The following ADAM23 variants were observed in gnomAD, a reference collection of about 807,000 sequenced individuals.
The protein encoded by ADAM23 is ADAM metallopeptidase domain 23.
A neutral mutation model predicts 120.1 loss-of-function variants in ADAM23; 33 were observed. The observed-to-expected ratio is 0.27, with a 90% CI of 0.21 to 0.37. ADAM23 has a LOEUF of 0.37. Among genes scored for constraint, ADAM23 ranks in the 10% least tolerant of loss-of-function variants. The pLI, the probability that ADAM23 is intolerant of heterozygous loss-of-function variation, is 1.00. For synonymous variants in ADAM23, 367 were observed against 375.2 expected (o/e 0.98, Z 0.25); for missense variants, 862 against 1,058.2 (o/e 0.81, Z 2.57).
chr2:206,482,828 G>A (rs555610574), intron 3 of ADAM23, among the ~76,000 whole-genome samples: 25 of 152,266 alleles, frequency 1.6e-4, no homozygotes, highest in Admixed American at 2.6e-4. Context: ...GTGAAAAGGC[G>A]TCTTGGGAAA....
At chr2:206,572,367 C>G (rs1266409227) in intron 17 of ADAM23, among the ~76,000 whole-genome samples, 3 of 152,118 alleles carry the variant, frequency 2.0e-5, no homozygotes, top group Non-Finnish European at 4.4e-5. Context: ...CAGAGACCAC[C>G]AGTTATTTTT....
chr2:206,530,621 G>GA (rs5838028), intron 3 of ADAM23, among the ~76,000 whole-genome samples: 59 of 98,550 alleles, frequency 6.0e-4, no homozygotes, highest in South Asian at 2.5e-3. Context: ...GTCTCAAAAA[G>GA]AAAAAAAAAA....
At chr2:206,504,192 A>G (rs1380287917) in intron 3 of ADAM23, among the ~76,000 whole-genome samples, 1 of 152,148 alleles carries the variant, frequency 6.6e-6, no homozygotes, top group African/African-American at 2.4e-5. Context: ...CCTCTATAAT[A>G]TGTTAAATAC....
At chr2:206,506,024 G>T (rs1480983827) in intron 3 of ADAM23, among the ~76,000 whole-genome samples, 1 of 152,142 alleles carries the variant, frequency 6.6e-6, no homozygotes, top group African/African-American at 2.4e-5. Flanking sequence ...CCCTTTTTTA[G>T]TTGTGTGTTG....
Position 206,451,107 on chromosome 2 carries a change from G to A in ADAM23, c.432+5583G>A, listed in dbSNP as rs554926682. Among the ~76,000 whole-genome samples the A allele has an allele frequency of 9.8e-5, 15 of 152,328 alleles. No homozygotes were observed. In the East Asian group the frequency reaches 2.9e-3, roughly 29 times the overall value. ...TTGAGCTGGCCCTAAAGAGTAATTA[G>A]GAGTTAAGTTTGTGCAGAAGGTGGA... On this transcript the variant is annotated intron_variant, in intron 2 of 25. Transcript: ENST00000264377.
Position 206,592,623 on chromosome 2 carries a change from G to A in ADAM23, c.1965G>A (p.Val655=), listed in dbSNP as rs370425003. Residue 655 remains valine, a synonymous_variant, in exon 22 of 26, where the codon GTG becomes GTA. Coordinates refer to ENST00000264377, the MANE Select transcript of ADAM23 (RefSeq NM_003812.4). ...TTTCTTTACACATGTTCAGTGATGTGTTCTGTGGATTCTTACTCTGTACCA... is the reference window on the plus strand; with the variant it reads ...TTTCTTTACACATGTTCAGTGATGTATTCTGTGGATTCTTACTCTGTACCA... ...DRWIQCSKHD[V]FCGFLLCTNL... is the part of the protein sequence containing the mutation. 6 of 1,613,964 alleles carry A rather than the reference G, an allele frequency of 3.7e-6. No individual in the cohort carries two copies. The highest frequency in any genetic ancestry group is 2.2e-5 in the South Asian group (2 of 91,056).
chr2:206,494,322 A>G (rs1696192901), intron 3 of ADAM23, among the ~76,000 whole-genome samples: 2 of 152,200 alleles, frequency 1.3e-5, no homozygotes, highest in Non-Finnish European at 2.9e-5. Flanking sequence ...ATATTTATTC[A>G]TTAAGGACTG....
chr2:206,533,326 C>G (rs1165164651), intron 4 of ADAM23, among the ~76,000 whole-genome samples: 1 of 152,092 alleles, frequency 6.6e-6, no homozygotes, highest in Non-Finnish European at 1.5e-5. Context: ...CTCAGTCTCC[C>G]AAGTCGCTGG....
At chr2:206,569,765 C>G (rs1697959585) in intron 15 of ADAM23, among the ~76,000 whole-genome samples, 1 of 152,156 alleles carries the variant, frequency 6.6e-6, no homozygotes. Context: ...ACCCAAGTAG[C>G]CTGGAAACCT....
chr2:206,545,558 AACAG>A (rs1697380725), intron 6 of ADAM23, among the ~76,000 whole-genome samples: 1 of 152,190 alleles, frequency 6.6e-6, no homozygotes, highest in Non-Finnish European at 1.5e-5. Context: ...ATAAAAGCTG[AACAG>A]ACAAACTTTT....
chr2:206,444,128 G>A, intron 1 of ADAM23, 48 bp downstream of exon 1: 9 of 1,232,414 alleles, frequency 7.3e-6, no homozygotes, highest in Non-Finnish European at 9.1e-6. Flanking sequence ...GCGGGGCCCT[G>A]CAGAGGAAAG....
chr2:206,465,483 G>GTTATCT (rs1205332545), intron 2 of ADAM23, among the ~76,000 whole-genome samples: 1 of 152,146 alleles, frequency 6.6e-6, no homozygotes, highest in Non-Finnish European at 1.5e-5. Flanking sequence ...CAAGATAAAA[G>GTTATCT]TGTTAAATTT....
chr2:206,571,760 C>T lies in ADAM23; in HGVS notation c.1600C>T (p.Leu534Phe), dbSNP rs772050654. ...CYGLCCKKCS[L>F]SNGAHCSDGP... ...TGGATTATGCTGTAAGAAATGTTCC[C>T]TCTCCAACGGGGCTCACTGCAGCGA... Residue 534 changes from leucine (L) to phenylalanine (F), a missense_variant, in exon 17 of 26, where the codon CTC becomes TTC. Physicochemically the swap from Leu to Phe is conservative, Grantham distance 22 (BLOSUM62 0). Transcript: ENST00000264377. The T allele has an allele frequency of 6.2e-7, 1 of 1,614,130 alleles. No homozygotes were observed. The highest frequency in any genetic ancestry group is 8.5e-7 in the Non-Finnish European group (1 of 1,179,980).
intron 25 of ADAM23, among the ~76,000 whole-genome samples, chr2:206,610,650 C>G (rs1202425357): frequency 1.1e-4 from 17 of 152,116 alleles, no homozygotes; most frequent in Admixed American, 1.1e-3. Context: ...TCATAGTGAC[C>G]TTTTAGTTTG....
At position 206,525,132 on chromosome 2, in the gene ADAM23, A is replaced by G. The variant is rs1202156198; in HGVS notation, c.510-5753A>G. Among the ~76,000 whole-genome samples, 3 of 152,096 alleles carry G rather than the reference A, an allele frequency of 2.0e-5. No individual in the cohort carries two copies. In the East Asian group the frequency reaches 5.8e-4, roughly 29 times the overall value. ...CATTTCCACAAATGCCCTAGTTTGGATGATAAATTATATGGCCATCCAGTT... is the reference window on the plus strand; with the variant it reads ...CATTTCCACAAATGCCCTAGTTTGGGTGATAAATTATATGGCCATCCAGTT... On this transcript the variant is annotated intron_variant, in intron 3 of 25. Transcript: ENST00000264377.
intron 21 of ADAM23, among the ~76,000 whole-genome samples, chr2:206,591,642 A>C (rs1265815823): frequency 6.6e-6 from 1 of 152,112 alleles, no homozygotes; most frequent in Admixed American, 6.5e-5. Flanking sequence ...GCACATTTGT[A>C]CCTCTTTCTG....
At chr2:206,592,400 C>T (rs576428037) in intron 21 of ADAM23, among the ~76,000 whole-genome samples, 2 of 152,142 alleles carry the variant, frequency 1.3e-5, no homozygotes, top group Admixed American at 1.3e-4. Context: ...CATGATCCAC[C>T]TTTCAGGGCT....
rs1330940244 is a variant in ADAM23 at position 206,448,783 on chromosome 2, A to T, written c.432+3259A>T. Among the ~76,000 whole-genome samples the T allele has an allele frequency of 2.0e-5, 3 of 152,306 alleles. No individual in the cohort carries two copies. In the East Asian group the frequency reaches 5.8e-4, roughly 29 times the overall value. On this transcript the variant is annotated intron_variant, in intron 2 of 25. Transcript: ENST00000264377. ...TTCCTGGAGGGTGGAGTTCCTGGGG[A>T]GGGCATTGAAGATCCTCGCCCTATG...
chr2:206,499,401 C>A (rs1273620928), intron 3 of ADAM23, among the ~76,000 whole-genome samples: 1 of 147,768 alleles, frequency 6.8e-6, no homozygotes. Context: ...GGACAAAAAA[C>A]CAAACACTGC....
Sources: allele counts gnomAD v4.1 joint callset (sites outside exome capture counted in the v4.1 genomes callset), GRCh38; gene constraint gnomAD v4.1.1; transcripts MANE v1.5; gene names NCBI Gene and HGNC (gene_info 2026-07-23, HGNC 2026-07-21).